Variants in CCNY observed in about 807,000 individuals in gnomAD.
CCNY encodes the protein cyclin-Y.
CCNY carries 19 observed loss-of-function variants against 42.8 expected under a neutral mutation model. The observed-to-expected ratio is 0.44, with a 90% CI of 0.31 to 0.65. CCNY has a LOEUF of 0.65. Ranked by LOEUF, CCNY falls within the 30% of genes least tolerant of loss-of-function variation. CCNY has a pLI of 0.07. For missense variants in CCNY, 370 were observed against 437.3 expected (o/e 0.85, Z 1.37); for synonymous variants, 165 against 162.7 (o/e 1.01, Z -0.11).
At chr10:35,428,383 A>C (rs1242470328) in intron 1 of CCNY, among the ~76,000 whole-genome samples, 1 of 152,162 alleles carries the variant, frequency 6.6e-6, no homozygotes, top group African/African-American at 2.4e-5. Context: ...TCTGGAGTAG[A>C]AGGAAGGCCT....
intron 3 of CCNY, among the ~76,000 whole-genome samples, chr10:35,280,646 A>C (rs944293823): frequency 6.6e-6 from 1 of 152,234 alleles, no homozygotes; most frequent in Non-Finnish European, 1.5e-5. Flanking sequence ...CCAAAATACA[A>C]ACCTCTTAAA....
intron 1 of CCNY, among the ~76,000 whole-genome samples, chr10:35,411,788 T>C (rs1319045355): frequency 6.6e-6 from 1 of 152,236 alleles, no homozygotes; most frequent in African/African-American, 2.4e-5. Context: ...CTATTGTATT[T>C]AGTGCAGTTC....
Position 35,292,988 on chromosome 10 carries a change from C to A in CCNY, c.-9+42362C>A, listed in dbSNP as rs373671754. ...AAAGACAGGGTTTCACCATGTTGGC[C>A]AGGCTGGTCTCAAACTCCTGACCTC... is the stretch of plus-strand genomic sequence containing the variant. On this transcript the variant is annotated intron_variant, in intron 3 of 11. Transcript: ENST00000374706. 4.3e-4 allele frequency among the ~76,000 whole-genome samples: 66 copies of A among 152,000 alleles called. No homozygotes were observed. In the South Asian group the frequency reaches 0.013, roughly 29 times the overall value.
At chr10:35,564,999 G>A (rs2135464305) in intron 8 of CCNY, among the ~76,000 whole-genome samples, 2 of 151,264 alleles carry the variant, frequency 1.3e-5, no homozygotes, top group Middle Eastern at 6.8e-3. Context: ...CTGTGGGTGG[G>A]CACCCCTGGG....
At chr10:35,348,670 G>A (rs552703185) in intron 1 of CCNY, among the ~76,000 whole-genome samples, 3 of 152,344 alleles carry the variant, frequency 2.0e-5, no homozygotes, top group African/African-American at 7.2e-5. Context: ...GCCCGGCAGG[G>A]CCCTGAGAGG....
chr10:35,467,408 A>G (rs1008736779), intron 1 of CCNY, among the ~76,000 whole-genome samples: 6 of 152,318 alleles, frequency 3.9e-5, no homozygotes, highest in African/African-American at 1.4e-4. Flanking sequence ...GAAAAATAGC[A>G]GCCACTTGAC....
intron 1 of CCNY, among the ~76,000 whole-genome samples, chr10:35,427,636 A>T (rs1838298804): frequency 6.6e-6 from 1 of 152,234 alleles, no homozygotes; most frequent in South Asian, 2.1e-4. Context: ...TACATATGTT[A>T]CATATATAGA....
chr10:35,382,806 A>C (rs1837217139), intron 1 of CCNY, among the ~76,000 whole-genome samples: 1 of 152,194 alleles, frequency 6.6e-6, no homozygotes, highest in Admixed American at 6.5e-5. Context: ...ACTATGGGAG[A>C]CAGTACATTT....
intron 1 of CCNY, among the ~76,000 whole-genome samples, chr10:35,397,924 A>G (rs186894633): frequency 1.1e-3 from 164 of 152,250 alleles, no homozygotes; most frequent in South Asian, 8.9e-3. Context: ...TGCTGGTGCA[A>G]TATAGGCAGG....
intron 5 of CCNY, among the ~76,000 whole-genome samples, chr10:35,527,688 A>G (rs1412664260): frequency 6.6e-6 from 1 of 152,236 alleles, no homozygotes; most frequent in Admixed American, 6.5e-5. Context: ...ACCAAAAGTA[A>G]GTGAGTGGAA....
In CCNY at chr10:35,445,250, C is replaced by T. The variant is rs535970843; in HGVS notation, c.155-38154C>T. Among the ~76,000 whole-genome samples the T allele has an allele frequency of 3.3e-5, 5 of 152,246 alleles. No homozygotes were observed. In the South Asian group the frequency reaches 1.0e-3, roughly 32 times the overall value. ...AAGGAGAGCCTTTAGAGAAGGAAGT[C>T]AAGTTCCAGGTAGAGCCATGCTGCC... is the stretch of plus-strand genomic sequence containing the variant. On this transcript the variant is annotated intron_variant, in intron 1 of 9. Transcript: ENST00000374704.
rs1016018522 is a variant in CCNY, at chr10:35,254,686, G to C, written c.-9+4060G>C. ...TACAAAAAAATACAAAAATTAGCCA[G>C]ACATGGTGGACTGAGCCTGTAGTCC... On this transcript the variant is annotated intron_variant, in intron 3 of 11. Coordinates refer to the CCNY transcript ENST00000374706. Among the ~76,000 whole-genome samples the C allele has an allele frequency of 3.9e-5, 6 of 152,052 alleles. No individual in the cohort carries two copies. In the East Asian group the frequency reaches 1.2e-3, roughly 30 times the overall value.
chr10:35,436,259 A>T (rs1430662515), intron 1 of CCNY, among the ~76,000 whole-genome samples: 3 of 152,108 alleles, frequency 2.0e-5, no homozygotes. Flanking sequence ...CGGTGGTGGG[A>T]TGCAGTGTTC....
chr10:35,266,523 C>G (rs555462555), intron 3 of CCNY, among the ~76,000 whole-genome samples: 1 of 152,052 alleles, frequency 6.6e-6, no homozygotes, highest in African/African-American at 2.4e-5. Context: ...CACATTTCTC[C>G]TGTTCTATTA....
Position 35,530,039 on chromosome 10 carries a change from C to A in CCNY, c.459+9C>A. 3.1e-6 allele frequency: 5 copies of A among 1,614,052 alleles called. No homozygotes were observed. The highest frequency in any genetic ancestry group is 4.2e-6 in the Non-Finnish European group (5 of 1,179,934). On this transcript the variant is annotated intron_variant, in intron 6 of 9. Transcript: ENST00000374704. The surrounding 1 kb of genome is among the most constrained non-coding windows in gnomAD (Gnocchi z 4.3). ...ATCTTCACCCTCTTTCGGTAATCTC[C>A]TCCGTGTGTTTCATGAGATGATTTA...
intron 3 of CCNY, among the ~76,000 whole-genome samples, chr10:35,289,246 A>C (rs1835385864): frequency 6.6e-6 from 1 of 152,180 alleles, no homozygotes; most frequent in African/African-American, 2.4e-5. Flanking sequence ...TGACTATCAA[A>C]TGATCCTGTT....
At chr10:35,409,891 CAT>C (rs1162890826) in intron 1 of CCNY, among the ~76,000 whole-genome samples, 1 of 151,998 alleles carries the variant, frequency 6.6e-6, no homozygotes, top group African/African-American at 2.4e-5. Flanking sequence ...GGACCACACA[CAT>C]GTGTTACCAT....
chr10:35,444,176 T>C (rs1838737650), intron 1 of CCNY, among the ~76,000 whole-genome samples: 2 of 147,052 alleles, frequency 1.4e-5, no homozygotes. Context: ...TTATCTCCCA[T>C]GATAGCAAGG....
At chr10:35,477,292 C>A (rs1301448492) in intron 1 of CCNY, among the ~76,000 whole-genome samples, 1 of 151,860 alleles carries the variant, frequency 6.6e-6, no homozygotes, top group Non-Finnish European at 1.5e-5. Flanking sequence ...TTTTATGAGG[C>A]CAGCATCATT....
Sources: gnomAD v4.1 joint callset for allele counts (sites outside exome capture counted in the v4.1 genomes callset) on GRCh38, gnomAD v4.1.1 for gene constraint, Gnocchi (gnomAD v3.1) non-coding constraint, MANE v1.5 for transcripts, NCBI Gene and HGNC (gene_info 2026-07-23, HGNC 2026-07-21) for gene names.